The following VWF variants were observed in gnomAD, a reference collection of about 807,000 sequenced individuals.
VWF encodes the protein von Willebrand factor.
Under a neutral mutation model 308.6 loss-of-function variants are expected in VWF, and 176 were observed. That is an observed-to-expected ratio of 0.57 (90% confidence interval 0.50 to 0.65). The LOEUF is 0.65. VWF is among the 30% of genes least tolerant of loss of function. VWF has a pLI of 0.00. For missense variants in VWF, 3,146 were observed against 3,648.2 expected (o/e 0.86, Z 3.55); for synonymous variants, 1,385 against 1,443.4 (o/e 0.96, Z 0.92).
In VWF at chr12:6,019,896, A is replaced by T. The variant is rs1944111598; in HGVS notation, c.3675-153T>A. 6.6e-6 allele frequency among the ~76,000 whole-genome samples: 1 copy of T among 152,184 alleles called. No homozygotes were observed. Among genetic ancestry groups the T allele is most frequent in the South Asian group, 2.1e-4 (1 of 4,830 alleles). On this transcript the variant is annotated intron_variant, in intron 27 of 51. Coordinates refer to ENST00000261405, the MANE Select transcript of VWF (RefSeq NM_000552.5). This position sits in a 1 kb window ranked among gnomAD's most constrained non-coding sequence, Gnocchi z 5.8. Reference sequence around the variant, plus strand: ...ATGGACCATTCCACATCCAAGTGAGATGTCATTGTTTAACATCTGTCCCCA... The same window carrying T: ...ATGGACCATTCCACATCCAAGTGAGTTGTCATTGTTTAACATCTGTCCCCA...
At position 6,064,400 on chromosome 12, in the gene VWF, A is replaced by C. The variant is rs759612757; in HGVS notation, c.1294-16T>G. 2.5e-6 allele frequency: 4 copies of C among 1,613,932 alleles called. No individual in the cohort carries two copies. The Admixed American group carries it at 6.7e-5, about 27-fold the overall frequency. On this transcript the variant is annotated splice_polypyrimidine_tract_variant and intron_variant, in intron 11 of 51. Transcript: ENST00000261405. ...CATCAGCACACTGCCAAGAGGGAAC[A>C]CAGGGTGACTTTGCTGCACCCCCTG...
intron 5 of VWF, among the ~76,000 whole-genome samples, chr12:6,101,515 G>T (rs1375932716): frequency 6.6e-6 from 1 of 152,124 alleles, no homozygotes; most frequent in Non-Finnish European, 1.5e-5. Flanking sequence ...GGTGGCTCAC[G>T]CCTGTAATCT....
chr12:5,998,069 T>C (rs1591850689), intron 34 of VWF, among the ~76,000 whole-genome samples: 1 of 152,302 alleles, frequency 6.6e-6, no homozygotes, highest in Non-Finnish European at 1.5e-5. Context: ...TATTTGTGAT[T>C]GAATATTATA....
chr12:6,004,569 T>C (rs1344526394), intron 34 of VWF, among the ~76,000 whole-genome samples: 2 of 151,780 alleles, frequency 1.3e-5, no homozygotes, highest in African/African-American at 4.8e-5. Flanking sequence ...GCACAAAAAT[T>C]GACAAAAAAG....
At chr12:6,096,824 G>C (rs1945110203) in intron 5 of VWF, among the ~76,000 whole-genome samples, 1 of 152,230 alleles carries the variant, frequency 6.6e-6, no homozygotes, top group Non-Finnish European at 1.5e-5. Flanking sequence ...GTATTGGGAT[G>C]AGCAGTTTTC....
chr12:6,031,436 G>A lies in VWF; in HGVS notation c.2820+8C>T. On this transcript the variant is annotated splice_region_variant and intron_variant, in intron 21 of 51. Transcript: ENST00000261405. ...GGGACATGAGGGTGGAGATGAGGCT[G>A]CACTTACCTCCCCGTCAAACAGCTC... is the stretch of plus-strand genomic sequence containing the variant. 6.2e-7 allele frequency: 1 copy of A among 1,614,140 alleles called. No individual in the cohort carries two copies. Among genetic ancestry groups the A allele is most frequent in the Non-Finnish European group, 8.5e-7 (1 of 1,180,024 alleles).
rs1591849101 is a variant in VWF, at chr12:5,994,991, G to A, written c.6064-384C>T. 2.0e-5 allele frequency among the ~76,000 whole-genome samples: 3 copies of A among 152,288 alleles called. No homozygotes were observed. In the South Asian group the frequency reaches 6.2e-4, roughly 32 times the overall value. ...GTCTCCAAGAGCATCTAGCAGCTGT[G>A]TCCAACCCTTTGAATGCAAGGACAT... On this transcript the variant is annotated intron_variant, in intron 35 of 51. Transcript: ENST00000261405.
rs61908661 is a variant in VWF at position 6,056,833 on chromosome 12, G to A, written c.1945+24C>T. 65,748 of 1,361,682 alleles carry A rather than the reference G, an allele frequency of 0.048. 1,714 individuals are homozygous for A. The highest frequency in any genetic ancestry group is 0.076 in the South Asian group (4,203 of 55,158). 84.3% of individuals were successfully genotyped at this position (1,361,682 alleles called of 1,614,324 possible). On this transcript the variant is annotated intron_variant, in intron 15 of 51. Coordinates refer to ENST00000261405, the MANE Select transcript of VWF (RefSeq NM_000552.5). The stretch of plus-strand genomic sequence containing the variant: ...ACGGATTTGGGGGGCGGCCCGGAGG[G>A]CTGCGGGCAGGGAGGGCACGCACCA...
Position 6,049,731 on chromosome 12 carries a change from C to A in VWF, c.2186+2812G>T, listed in dbSNP as rs144913889. Among the ~76,000 whole-genome samples, 617 of 152,366 alleles carry A rather than the reference C, an allele frequency of 4.0e-3. 2 individuals are homozygous for A. The highest frequency in any genetic ancestry group is 7.3e-3 in the Non-Finnish European group (495 of 68,036). On this transcript the variant is annotated intron_variant, in intron 16 of 51. Transcript: ENST00000261405. ...GTTTTAAGGTCCCAGAGAGAAACTCCTGGCAAACTATAGCCAGACAACTGT... is the reference window on the plus strand; with the variant it reads ...GTTTTAAGGTCCCAGAGAGAAACTCATGGCAAACTATAGCCAGACAACTGT...
chr12:6,074,275 A>G (rs1944814931), intron 7 of VWF, among the ~76,000 whole-genome samples: 3 of 151,420 alleles, frequency 2.0e-5, no homozygotes, highest in Admixed American at 2.0e-4. Flanking sequence ...TCACCTAAGC[A>G]CTCTCTGTTC....
intron 14 of VWF, among the ~76,000 whole-genome samples, chr12:6,057,480 T>TTTATTATTATTATTATTA (rs10667650): frequency 3.1e-5 from 4 of 129,562 alleles, no homozygotes; most frequent in East Asian, 2.2e-4. Context: ...GCCCGGCAAA[T>TTTATTATTATTATTATTA]TTATTATTAT....
chr12:6,071,662 A>T (rs867374046), intron 9 of VWF, among the ~76,000 whole-genome samples: 3 of 152,234 alleles, frequency 2.0e-5, no homozygotes, highest in Admixed American at 2.0e-4. Flanking sequence ...AGTGAGTGGC[A>T]GAGAGCAAGA....
intron 25 of VWF, 74 bp from the exon 26 acceptor site, chr12:6,022,972 C>A (rs1165370853): frequency 1.4e-5 from 5 of 348,546 alleles, no homozygotes; most frequent in Non-Finnish European, 2.2e-5. Flanking sequence ...GTGGTGATGG[C>A]CTGCGCCATC....
At chr12:5,981,014 G>A (rs906511213) in intron 42 of VWF, among the ~76,000 whole-genome samples, 3 of 152,230 alleles carry the variant, frequency 2.0e-5, no homozygotes, top group Admixed American at 6.5e-5. Context: ...TGTACCATTC[G>A]TTGACACTTT....
intron 3 of VWF, among the ~76,000 whole-genome samples, chr12:6,117,890 C>A (rs1382188649): frequency 6.6e-6 from 1 of 152,222 alleles, no homozygotes; most frequent in Non-Finnish European, 1.5e-5. Context: ...AGAGGGAGAG[C>A]AGAGGAGAAC....
chr12:5,949,238 A>C, intron 51 of VWF, 35 bp from the exon 52 acceptor site: 1 of 1,606,110 alleles, frequency 6.2e-7, no homozygotes, highest in Non-Finnish European at 8.5e-7. Context: ...GAGCTTCACA[A>C]TGGTGGGAAG....
At chr12:6,065,074 G>T in intron 11 of VWF, 63 bp downstream of exon 11, 3 of 1,611,292 alleles carry the variant, frequency 1.9e-6, no homozygotes, top group Non-Finnish European at 2.5e-6. Context: ...TGCCCATTCA[G>T]CCTAGCAGCT....
rs1944052145 is a variant in VWF at position 6,015,988 on chromosome 12, A to G, written c.5455+101T>C. The G allele has an allele frequency of 3.3e-6, 5 of 1,493,372 alleles. No individual in the cohort carries two copies. In the South Asian group the frequency reaches 5.9e-5, roughly 18 times the overall value. The allele number at this position is 1,493,372 out of a possible 1,614,324, so 92.5% of individuals were successfully genotyped here. On this transcript the variant is annotated intron_variant, in intron 31 of 51. Coordinates refer to ENST00000261405, the MANE Select transcript of VWF (RefSeq NM_000552.5). ...GAGGTTGGTATTGAGCATATTTAATATCAGCCACAACATCCAAAAGTAACC... is the reference window on the plus strand; with the variant it reads ...GAGGTTGGTATTGAGCATATTTAATGTCAGCCACAACATCCAAAAGTAACC...
intron 47 of VWF, among the ~76,000 whole-genome samples, chr12:5,959,346 G>A (rs1192879777): frequency 6.6e-6 from 1 of 152,114 alleles, no homozygotes; most frequent in Admixed American, 6.6e-5. Context: ...AGAACTAAAG[G>A]GAGAAATAGG....
Sources: gnomAD v4.1 joint callset for allele counts (sites outside exome capture counted in the v4.1 genomes callset) on GRCh38, gnomAD v4.1.1 for gene constraint, Gnocchi (gnomAD v3.1) non-coding constraint, MANE v1.5 for transcripts, NCBI Gene and HGNC (gene_info 2026-07-23, HGNC 2026-07-21) for gene names.